ERAP2: variants seen among roughly 807,000 people sequenced by gnomAD.
The protein encoded by ERAP2 is leukocyte-derived arginine aminopeptidase.
A neutral mutation model predicts 111.1 loss-of-function variants in ERAP2; 118 were observed. That is an observed-to-expected ratio of 1.06 (90% confidence interval 0.92 to 1.24). ERAP2 has a LOEUF of 1.24. Among genes scored for constraint, ERAP2 ranks in the 50% most tolerant of loss-of-function variants. The pLI is 0.00. For synonymous variants in ERAP2, 410 were observed against 401.2 expected (o/e 1.02, Z -0.26); for missense variants, 1,131 against 1,125.8 (o/e 1.00, Z -0.07).
At chr5:96,892,148 A>C (rs1784450894) in intron 5 of ERAP2, 151 bp from the exon 6 acceptor site, 1 of 718,088 alleles carries the variant, frequency 1.4e-6, no homozygotes, top group East Asian at 2.7e-5. Flanking sequence ...GCGCAACTAT[A>C]AGACACCCTG....
At chr5:96,895,568 A>T (rs1784793386) in intron 7 of ERAP2, among the ~76,000 whole-genome samples, 1 of 152,188 alleles carries the variant, frequency 6.6e-6, no homozygotes, top group Admixed American at 6.6e-5. Context: ...GTCACCCCAA[A>T]GTCTGTAAAG....
intron 17 of ERAP2, among the ~76,000 whole-genome samples, chr5:96,914,154 A>T (rs975921243): frequency 6.6e-6 from 1 of 151,024 alleles, no homozygotes; most frequent in African/African-American, 2.4e-5. Context: ...TCTCTCACAC[A>T]CACACACACA....
At chr5:96,905,988 A>G (rs1157984017) in intron 13 of ERAP2, among the ~76,000 whole-genome samples, 1 of 144,448 alleles carries the variant, frequency 6.9e-6, no homozygotes, top group Non-Finnish European at 1.5e-5. Context: ...TATATTGTAC[A>G]GGCTGATATT....
At chr5:96,913,942 C>T (rs1787089326) in intron 17 of ERAP2, among the ~76,000 whole-genome samples, 1 of 152,182 alleles carries the variant, frequency 6.6e-6, no homozygotes, top group African/African-American at 2.4e-5. Flanking sequence ...GTGAAAGAAA[C>T]CTAGTCAGGA....
At position 96,917,723 on chromosome 5, in the gene ERAP2, G is replaced by A. The variant is rs1787578549; in HGVS notation, c.*118G>A. The A allele has an allele frequency of 7.1e-6, 5 of 707,732 alleles. No homozygotes were observed. Among genetic ancestry groups the A allele is most frequent in the Non-Finnish European group, 1.1e-5 (5 of 465,540 alleles). The allele number at this position is 707,732 out of a possible 1,614,324, so 43.8% of individuals were successfully genotyped here. On this transcript the variant is annotated 3_prime_UTR_variant, in exon 19 of 19. Transcript: ENST00000437043. ...AGATGGAGACCATCCTGGCTAACAC[G>A]GTGAGACCCCGTCTCCGCTAAAAAT...
intron 9 of ERAP2, among the ~76,000 whole-genome samples, chr5:96,899,612 T>C (rs902803356): frequency 2.0e-5 from 3 of 152,332 alleles, no homozygotes; most frequent in African/African-American, 7.2e-5. Context: ...TATTCCCAGT[T>C]AGTTCGAAAT....
intron 3 of ERAP2, 131 bp from the exon 4 acceptor site, chr5:96,886,524 G>T: frequency 1.7e-6 from 1 of 590,988 alleles, no homozygotes; most frequent in Non-Finnish European, 2.6e-6. Context: ...AGAGGCCATT[G>T]CCCCCCTAGG....
chr5:96,898,248 GA>G (rs1785065482), intron 9 of ERAP2, among the ~76,000 whole-genome samples: 1 of 151,644 alleles, frequency 6.6e-6, no homozygotes. Flanking sequence ...CAAAGTTAAA[GA>G]ATAAAAAGCA....
intron 13 of ERAP2, among the ~76,000 whole-genome samples, chr5:96,908,448 A>G (rs1786347220): frequency 6.6e-6 from 1 of 152,198 alleles, no homozygotes; most frequent in Non-Finnish European, 1.5e-5. Context: ...CCTATTCACA[A>G]TGATTACCGC....
rs1787635733 is a variant in ERAP2, at chr5:96,918,013, A to G, written c.*408A>G. On this transcript the variant is annotated 3_prime_UTR_variant, in exon 19 of 19. Coordinates refer to ENST00000437043, the MANE Select transcript of ERAP2 (RefSeq NM_022350.5). ...AAACAGGGTAACACCAGTGAAGCTC[A>G]AGTCAAGAGCTGTGGATATTTTGTC... 6.5e-6 allele frequency: 1 copy of G among 153,120 alleles called. No individual in the cohort carries two copies. The highest frequency in any genetic ancestry group is 6.5e-5 in the Admixed American group (1 of 15,286). 9.5% of individuals were successfully genotyped at this position (153,120 alleles called of 1,614,324 possible). A position where few individuals can be genotyped will look rare whatever the true frequency, so the allele number is the denominator to read the frequency against.
In ERAP2 at chr5:96,913,295, CAA is replaced by C. The variant is rs780205264; in HGVS notation, c.2517-20_2517-19del. On this transcript the variant is annotated intron_variant, in intron 16 of 18. Transcript: ENST00000437043. ...GTACATAATACCTACTATTTAGAAA[CAA>C]ATTATTTTTCTTTCTTCAGGTTAAT... 1.2e-6 allele frequency: 2 copies of C among 1,603,162 alleles called. No individual in the cohort carries two copies. The highest frequency in any genetic ancestry group is 2.7e-5 in the African/African-American group (2 of 74,538).
At chr5:96,914,123 C>T (rs1450332891) in intron 17 of ERAP2, among the ~76,000 whole-genome samples, 1 of 127,292 alleles carries the variant, frequency 7.9e-6, no homozygotes, top group Admixed American at 8.7e-5. Flanking sequence ...GACAGCATTG[C>T]TTTCTGTCTC....
chr5:96,909,241 T>G, intron 14 of ERAP2, 124 bp downstream of exon 14: 2 of 842,970 alleles, frequency 2.4e-6, no homozygotes, highest in Non-Finnish European at 3.8e-6. Flanking sequence ...GACTGACTGA[T>G]AGCATGTAAT....
At chr5:96,900,956 C>T (rs1228070803) in intron 10 of ERAP2, among the ~76,000 whole-genome samples, 10 of 152,158 alleles carry the variant, frequency 6.6e-5, no homozygotes, top group Admixed American at 2.0e-4. Flanking sequence ...TGATCCACGG[C>T]GCCTGGCCCT....
At position 96,901,584 on chromosome 5, in the gene ERAP2, G is replaced by C; in HGVS notation, c.1651G>C (p.Val551Leu). 2.5e-6 allele frequency: 4 copies of C among 1,614,114 alleles called. No homozygotes were observed. Among genetic ancestry groups the C allele is most frequent in the Non-Finnish European group, 3.4e-6 (4 of 1,179,988 alleles). ...WTLQKGIPLL[V>L]VKQDGCSLRL... is the part of the protein sequence containing the mutation. ...TCTCCAGAAAGGAATCCCCCTGCTG[G>C]TGGTTAAACAAGACGGGTGTTCACT... Residue 551 changes from valine (V) to leucine (L), a missense_variant, in exon 11 of 19, where the codon GTG becomes CTG. Around this residue, in one of 3 missense-constraint regions of ERAP2, gnomAD observed 847 missense variants for 856.5 expected, o/e 0.99. Transcript: ENST00000437043.
At chr5:96,914,215 A>C (rs1286854967) in intron 17 of ERAP2, among the ~76,000 whole-genome samples, 1 of 152,052 alleles carries the variant, frequency 6.6e-6, no homozygotes, top group Non-Finnish European at 1.5e-5. Flanking sequence ...TCCAAATCTA[A>C]AATGTCATTT....
chr5:96,881,374 CA>C (rs1783112951), intron 2 of ERAP2: 1 of 455,018 alleles, frequency 2.2e-6, no homozygotes, highest in Non-Finnish European at 4.4e-6. Context: ...GGCAAAACAA[CA>C]GAGATTGCTG....
intron 2 of ERAP2, 122 bp downstream of exon 2, chr5:96,880,382 A>C: frequency 1.1e-6 from 1 of 886,116 alleles, no homozygotes; most frequent in Non-Finnish European, 1.7e-6. Context: ...TGGGGAACCC[A>C]GAAGAAGGAA....
At chr5:96,916,046 C>T (rs1787338118) in intron 18 of ERAP2, among the ~76,000 whole-genome samples, 1 of 151,906 alleles carries the variant, frequency 6.6e-6, no homozygotes, top group Non-Finnish European at 1.5e-5. Flanking sequence ...TATGGTGAAA[C>T]CCTGTCTCTA....
Sources: gnomAD v4.1 joint callset for allele counts (sites outside exome capture counted in the v4.1 genomes callset) on GRCh38, gnomAD v4.1.1 for gene constraint, gnomAD v4.1.1 regional missense constraint, MANE v1.5 for transcripts, NCBI Gene and HGNC (gene_info 2026-07-23, HGNC 2026-07-21) for gene names.